The following RTN1 variants were observed in gnomAD, a reference collection of about 807,000 sequenced individuals.
RTN1 encodes the protein reticulon-1.
In RTN1, 25 loss-of-function variants were observed where a neutral mutation model predicts 65.5. That is an observed-to-expected ratio of 0.38 (90% confidence interval 0.28 to 0.53). RTN1 has a LOEUF of 0.53. RTN1 is among the 20% of genes least tolerant of loss of function. The pLI is 0.79. For synonymous variants in RTN1, 471 were observed against 447.6 expected (o/e 1.05, Z -0.66); for missense variants, 983 against 1,025.4 (o/e 0.96, Z 0.57).
Position 59,727,204 on chromosome 14 carries a change from C to T in RTN1, c.1480G>A (p.Ala494Thr). ...EQDSPPMKPS[A>T]LDAIREETGV... is the part of the protein sequence containing the mutation. ...GTCTCCTCCCGGATGGCATCCAGGG[C>T]GCTGGGCTTCATCGGGGGTGAGTCC... is the stretch of plus-strand genomic sequence containing the variant. Residue 494 changes from alanine to threonine, a missense_variant, in exon 3 of 9, where the codon GCC becomes ACC. Coordinates refer to ENST00000267484, the MANE Select transcript of RTN1 (RefSeq NM_021136.3). This position sits in a 1 kb window ranked among gnomAD's most constrained non-coding sequence, Gnocchi z 4.2. The T allele has an allele frequency of 6.3e-7, 1 of 1,578,198 alleles. No homozygotes were observed. Among genetic ancestry groups the T allele is most frequent in the Non-Finnish European group, 8.6e-7 (1 of 1,162,190 alleles).
At chr14:59,810,135 G>A (rs1041779392) in intron 1 of RTN1, among the ~76,000 whole-genome samples, 3 of 152,138 alleles carry the variant, frequency 2.0e-5, no homozygotes, top group Admixed American at 6.5e-5. Context: ...CTATCTTTTT[G>A]AGAATGTTTG....
At chr14:59,607,551 T>A in intron 3 of RTN1, 59 bp from the exon 4 acceptor site, 2 of 1,399,898 alleles carry the variant, frequency 1.4e-6, no homozygotes, top group South Asian at 1.2e-5. Context: ...CATGAGCCGC[T>A]GTGGCTCACT....
chr14:59,848,104 G>A (rs1887441147), intron 1 of RTN1, among the ~76,000 whole-genome samples: 1 of 152,134 alleles, frequency 6.6e-6, no homozygotes. Flanking sequence ...GAGTTGAAGA[G>A]ACCATAAAGT....
rs899826798 is a variant in RTN1, at chr14:59,745,911, T to C, written c.812A>G (p.Gln271Arg). 2.5e-6 allele frequency: 4 copies of C among 1,613,944 alleles called. No homozygotes were observed. The African/African-American group carries it at 4.0e-5, about 16-fold the overall frequency. The change falls in exon 2 of 9, where the codon CAG becomes CGG. Residue 271 changes from glutamine (Q) to arginine (R), a missense_variant. Coordinates refer to ENST00000267484, the MANE Select transcript of RTN1 (RefSeq NM_021136.3). ...GGTGGTGATCTGAGGAGCCCTGCGC[T>C]GTTCTTCAGAGAGATCATCTATGTA... ...APYIDDLSEE[Q>R]RRAPQITTPV...
intron 3 of RTN1, among the ~76,000 whole-genome samples, chr14:59,712,069 C>A (rs902215803): frequency 1.3e-5 from 2 of 152,088 alleles, no homozygotes; most frequent in African/African-American, 4.8e-5. Context: ...AAGCCTCCAC[C>A]AAATAGCAAT....
chr14:59,730,208 A>C (rs1884870754), intron 2 of RTN1, among the ~76,000 whole-genome samples: 1 of 152,226 alleles, frequency 6.6e-6, no homozygotes, highest in South Asian at 2.1e-4. Context: ...TGTCTATTTC[A>C]TGTGTTTTAC....
chr14:59,821,526 T>C (rs1053046226), intron 1 of RTN1, among the ~76,000 whole-genome samples: 4 of 152,176 alleles, frequency 2.6e-5, no homozygotes, highest in Non-Finnish European at 5.9e-5. Flanking sequence ...GCCTGACTGC[T>C]CTGGGTAGGA....
At chr14:59,615,655 T>C (rs1882081363) in intron 3 of RTN1, among the ~76,000 whole-genome samples, 2 of 152,222 alleles carry the variant, frequency 1.3e-5, no homozygotes, top group African/African-American at 4.8e-5. Flanking sequence ...AAAATTTTAT[T>C]TAAAAACACT....
chr14:59,807,142 G>A (rs1886653624), intron 1 of RTN1, among the ~76,000 whole-genome samples: 1 of 152,238 alleles, frequency 6.6e-6, no homozygotes, highest in Admixed American at 6.5e-5. Flanking sequence ...GTGTCAGTAT[G>A]ACTTTCAAGT....
chr14:59,813,134 G>A (rs889761994), intron 1 of RTN1, among the ~76,000 whole-genome samples: 2 of 152,220 alleles, frequency 1.3e-5, no homozygotes, highest in South Asian at 2.1e-4. Context: ...GACAAAGTAA[G>A]GGCTTTCTAA....
chr14:59,727,514 G>C lies in RTN1; in HGVS notation c.1170C>G (p.Ser390=), dbSNP rs147679653. ...LADRPEVKAR[S]GPPTIPSPLD... is the part of the protein sequence containing the mutation. The stretch of plus-strand genomic sequence containing the variant: ...GGGGGCTGGGGATGGTTGGCGGTCC[G>C]GACCTGGCCTTGACCTCGGGCCTGT... Residue 390 remains serine, a synonymous_variant, in exon 3 of 9, where the codon TCC becomes TCG. Transcript: ENST00000267484. This position sits in a 1 kb window ranked among gnomAD's most constrained non-coding sequence, Gnocchi z 4.2. 1.2e-6 allele frequency: 2 copies of C among 1,602,652 alleles called. No individual in the cohort carries two copies. The highest frequency in any genetic ancestry group is 1.3e-5 in the African/African-American group (1 of 74,880).
chr14:59,606,126 A>ATATATATATATATATATATC (rs66961672), intron 4 of RTN1: 14 of 124,116 alleles, frequency 1.1e-4, no homozygotes, highest in African/African-American at 5.1e-4. Flanking sequence ...ATATATATAT[A>ATATATATATATATATATATC]TCATACCAGC....
intron 3 of RTN1, among the ~76,000 whole-genome samples, chr14:59,652,926 G>A (rs1031928890): frequency 2.2e-4 from 33 of 151,920 alleles, no homozygotes; most frequent in Non-Finnish European, 3.2e-4. Flanking sequence ...AGAGACTTGT[G>A]GTACAATATC....
chr14:59,693,817 G>A (rs1256111610), intron 3 of RTN1, among the ~76,000 whole-genome samples: 3 of 152,136 alleles, frequency 2.0e-5, no homozygotes. Context: ...TCATGTTTGA[G>A]ACAATGTTGC....
intron 3 of RTN1, among the ~76,000 whole-genome samples, chr14:59,724,803 C>CA (rs1884724151): frequency 6.6e-6 from 1 of 152,016 alleles, no homozygotes; most frequent in African/African-American, 2.4e-5. Context: ...CAAGTGAGAC[C>CA]AAAAAGAACC....
intron 3 of RTN1, among the ~76,000 whole-genome samples, chr14:59,630,984 C>G (rs990875414): frequency 6.6e-6 from 1 of 152,190 alleles, no homozygotes; most frequent in Non-Finnish European, 1.5e-5. Context: ...AAGAAACCTG[C>G]TGGACAAGAC....
At chr14:59,854,137 G>C (rs932947194) in intron 1 of RTN1, among the ~76,000 whole-genome samples, 2 of 151,954 alleles carry the variant, frequency 1.3e-5, no homozygotes, top group African/African-American at 4.8e-5. Flanking sequence ...AGGATTACAG[G>C]CGTGAGCCAC....
chr14:59,815,352 A>C (rs935759637), intron 1 of RTN1, among the ~76,000 whole-genome samples: 2 of 152,178 alleles, frequency 1.3e-5, no homozygotes, highest in Non-Finnish European at 2.9e-5. Flanking sequence ...CCCTGTGCAC[A>C]GGAGCCCTCC....
At chr14:59,815,332 G>C (rs904257521) in intron 1 of RTN1, among the ~76,000 whole-genome samples, 4 of 152,160 alleles carry the variant, frequency 2.6e-5, no homozygotes, top group African/African-American at 9.7e-5. Flanking sequence ...ACAGCACACA[G>C]TGCAAGTGTC....
Sources: allele counts gnomAD v4.1 joint callset (sites outside exome capture counted in the v4.1 genomes callset), GRCh38; gene constraint gnomAD v4.1.1; non-coding constraint Gnocchi (gnomAD v3.1); transcripts MANE v1.5; gene names NCBI Gene and HGNC (gene_info 2026-07-23, HGNC 2026-07-21).